Variants in DSCAM observed in about 807,000 individuals in gnomAD.
DSCAM encodes the protein DS cell adhesion molecule.
In DSCAM, 47 loss-of-function variants were observed where a neutral mutation model predicts 217.7. The ratio of observed to expected loss-of-function variants is 0.22; its 90% confidence interval spans 0.17 to 0.28. The LOEUF (loss-of-function observed/expected upper bound fraction) is 0.28. DSCAM is among the 10% of genes least tolerant of loss of function. The pLI is 1.00. For missense variants in DSCAM, 2,080 were observed against 2,618.3 expected (o/e 0.79, Z 4.49); for synonymous variants, 1,056 against 1,015.3 (o/e 1.04, Z -0.76).
At chr21:40,285,657 T>C (rs953550883) in intron 10 of DSCAM, among the ~76,000 whole-genome samples, 3 of 152,162 alleles carry the variant, frequency 2.0e-5, no homozygotes, top group African/African-American at 7.2e-5. Flanking sequence ...AAGAACTCAT[T>C]ATTTCTTTGT....
chr21:40,260,144 G>A (rs2073430694), intron 11 of DSCAM, among the ~76,000 whole-genome samples: 1 of 152,124 alleles, frequency 6.6e-6, no homozygotes, highest in African/African-American at 2.4e-5. Flanking sequence ...AAAATCAGGT[G>A]CTCTTTTCTG....
intron 3 of DSCAM, among the ~76,000 whole-genome samples, chr21:40,376,401 TATCTATATC>T (rs2123714428): frequency 6.8e-6 from 1 of 147,060 alleles, no homozygotes; most frequent in African/African-American, 2.5e-5. Context: ...GATATATATA[TATCTATATC>T]ATATATATCT....
intron 6 of DSCAM, among the ~76,000 whole-genome samples, chr21:40,344,071 G>A (rs2074530906): frequency 6.6e-6 from 1 of 151,844 alleles, no homozygotes; most frequent in Non-Finnish European, 1.5e-5. Flanking sequence ...GCTAGTTTTT[G>A]TATTTTTAGC....
At chr21:40,295,904 G>T in intron 10 of DSCAM, 151 bp downstream of exon 10, 2 of 939,876 alleles carry the variant, frequency 2.1e-6, no homozygotes, top group Non-Finnish European at 1.5e-6. Flanking sequence ...TGGACAACTA[G>T]GAATGTCTAT....
chr21:40,638,677 G>A (rs1009770336), intron 3 of DSCAM, among the ~76,000 whole-genome samples: 1 of 152,140 alleles, frequency 6.6e-6, no homozygotes, highest in Non-Finnish European at 1.5e-5. Context: ...CCAGTTGTGT[G>A]TAAGCTTTAA....
At chr21:40,188,890 T>A in intron 12 of DSCAM, 152 bp downstream of exon 12, 1 of 744,842 alleles carries the variant, frequency 1.3e-6, no homozygotes, top group Non-Finnish European at 2.2e-6. Flanking sequence ...GCTACTTCAC[T>A]AATCTCGCTG....
intron 3 of DSCAM, among the ~76,000 whole-genome samples, chr21:40,489,692 G>A (rs940415925): frequency 4.3e-5 from 6 of 139,586 alleles, no homozygotes; most frequent in South Asian, 2.4e-4. Context: ...GGAGAATGGC[G>A]TGAACCCGGG....
chr21:40,516,325 T>C (rs759746778), intron 3 of DSCAM, among the ~76,000 whole-genome samples: 1 of 152,212 alleles, frequency 6.6e-6, no homozygotes, highest in Non-Finnish European at 1.5e-5. Context: ...CAAGTAAGAA[T>C]GTATTTCATG....
intron 1 of DSCAM, among the ~76,000 whole-genome samples, chr21:40,732,097 C>A (rs1283154929): frequency 6.6e-6 from 1 of 152,116 alleles, no homozygotes; most frequent in Admixed American, 6.6e-5. Flanking sequence ...AAGGCTTCAA[C>A]ATAGTTTTTG....
chr21:40,307,843 A>T (rs1411298846), intron 9 of DSCAM, among the ~76,000 whole-genome samples: 2 of 151,268 alleles, frequency 1.3e-5, no homozygotes, highest in East Asian at 2.0e-4. Flanking sequence ...ACAAAAAACC[A>T]AACACTGCAT....
intron 6 of DSCAM, among the ~76,000 whole-genome samples, chr21:40,345,370 G>A (rs1216019945): frequency 2.0e-5 from 3 of 152,066 alleles, no homozygotes; most frequent in Non-Finnish European, 4.4e-5. Context: ...AGTGGAAGAG[G>A]ACACTCCCCA....
chr21:40,484,040 G>A (rs2076004726), intron 3 of DSCAM, among the ~76,000 whole-genome samples: 3 of 152,148 alleles, frequency 2.0e-5, no homozygotes, highest in South Asian at 4.1e-4. Context: ...CAGGATGTAG[G>A]TCCTCGGCAA....
intron 11 of DSCAM, among the ~76,000 whole-genome samples, chr21:40,275,446 C>A (rs2123378527): frequency 6.6e-6 from 1 of 152,248 alleles, no homozygotes; most frequent in East Asian, 1.9e-4. Flanking sequence ...CTAGATGCAC[C>A]ATCATTTTGT....
intron 3 of DSCAM, among the ~76,000 whole-genome samples, chr21:40,536,709 G>A (rs1480773987): frequency 1.3e-5 from 2 of 152,136 alleles, no homozygotes; most frequent in Non-Finnish European, 2.9e-5. Context: ...CCCGGTCCCG[G>A]TAGATTCTAA....
At position 40,545,776 on chromosome 21, in the gene DSCAM, G is replaced by A. The variant is rs139347576; in HGVS notation, c.508+147034C>T. On this transcript the variant is annotated intron_variant, in intron 3 of 32. Coordinates refer to ENST00000400454, the MANE Select transcript of DSCAM (RefSeq NM_001389.5). ...CAGCCTCCAACACTTACTGAATGAG[G>A]GGAGAACAAAGAGTCACCTCAAAAA... is the stretch of plus-strand genomic sequence containing the variant. Among the ~76,000 whole-genome samples the A allele has an allele frequency of 8.4e-3, 1,282 of 152,314 alleles. 21 individuals are homozygous for A. The highest frequency in any genetic ancestry group is 0.029 in the African/African-American group (1,187 of 41,566).
chr21:40,212,341 T>A (rs556417995), intron 11 of DSCAM: 4 of 154,328 alleles, frequency 2.6e-5, no homozygotes, highest in African/African-American at 9.6e-5. Flanking sequence ...GGCCTCACCT[T>A]GAGAGGCATA....
At chr21:40,066,521 A>C (rs2089209671) in intron 27 of DSCAM, among the ~76,000 whole-genome samples, 1 of 152,202 alleles carries the variant, frequency 6.6e-6, no homozygotes, top group Non-Finnish European at 1.5e-5. Context: ...CTATAAAATG[A>C]GGCTGAGAAA....
chr21:40,409,806 G>C (rs2075307635), intron 3 of DSCAM, among the ~76,000 whole-genome samples: 1 of 152,182 alleles, frequency 6.6e-6, no homozygotes, highest in African/African-American at 2.4e-5. Context: ...TGCAAACAAG[G>C]CTTAAAGCAA....
chr21:40,403,925 C>T (rs1385279972), intron 3 of DSCAM, among the ~76,000 whole-genome samples: 1 of 152,122 alleles, frequency 6.6e-6, no homozygotes, highest in East Asian at 1.9e-4. Context: ...ATGTCTGTTT[C>T]CAAATCATTC....
Sources: gnomAD v4.1 joint callset for allele counts (sites outside exome capture counted in the v4.1 genomes callset) on GRCh38, gnomAD v4.1.1 for gene constraint, MANE v1.5 for transcripts, NCBI Gene and HGNC (gene_info 2026-07-23, HGNC 2026-07-21) for gene names.